Variants in FANCM observed in about 807,000 individuals in gnomAD.
FANCM encodes the protein Fanconi anemia group M protein.
In FANCM, 140 loss-of-function variants were observed where a neutral mutation model predicts 199.5. The observed-to-expected ratio is 0.70, with a 90% CI of 0.61 to 0.81. FANCM has a LOEUF of 0.81. FANCM is among the 30% of genes least tolerant of loss of function. The pLI, the probability that FANCM is intolerant of heterozygous loss-of-function variation, is 0.00. For missense variants in FANCM, 2,410 were observed against 2,421.4 expected (o/e 1.00, Z 0.10); for synonymous variants, 840 against 836.8 (o/e 1.00, Z -0.07).
chr14:45,191,600 A>G (rs560800767), intron 20 of FANCM, among the ~76,000 whole-genome samples: 3 of 152,364 alleles, frequency 2.0e-5, no homozygotes, highest in Admixed American at 6.5e-5. Context: ...TAGGATAGTG[A>G]TACTTTGAAG....
intron 3 of FANCM, among the ~76,000 whole-genome samples, 185 bp downstream of exon 3, chr14:45,140,894 G>A (rs1451266016): frequency 6.6e-6 from 1 of 152,048 alleles, no homozygotes. Context: ...TAAAAAAATA[G>A]TGAGCATGGT....
At chr14:45,147,658 C>A (rs1886503692) in intron 3 of FANCM, among the ~76,000 whole-genome samples, 1 of 152,032 alleles carries the variant, frequency 6.6e-6, no homozygotes, top group East Asian at 1.9e-4. Flanking sequence ...CTTTAGGAGG[C>A]CAAGGTGGGC....
At position 45,185,272 on chromosome 14, in the gene FANCM, A is replaced by G. The variant is rs1328029558; in HGVS notation, c.4571A>G (p.Glu1524Gly). The change falls in exon 18 of 23, where the codon GAA (glutamate) becomes GGA (glycine). Residue 1524 changes from glutamate to glycine, a missense_variant. By Grantham distance (98) the Glu-to-Gly change is moderately conservative. Transcript: ENST00000267430. ...GCAGAACTTTCTGAAGAAGATGCAG[A>G]ATATGTTTCATCAGATGAAAATGAT... is the stretch of plus-strand genomic sequence containing the variant. ...DEAELSEEDA[E>G]YVSSDENDES... The G allele has an allele frequency of 6.2e-7, 1 of 1,603,730 alleles. No homozygotes were observed. Among genetic ancestry groups the G allele is most frequent in the East Asian group, 2.2e-5 (1 of 44,694 alleles).
chr14:45,192,331 CTG>C (rs1291721574), intron 20 of FANCM, among the ~76,000 whole-genome samples: 6 of 152,196 alleles, frequency 3.9e-5, no homozygotes, highest in East Asian at 1.9e-4. Context: ...TCACTGGACA[CTG>C]TGAAATCTGG....
chr14:45,181,282 A>G (rs1889049688), intron 14 of FANCM, 148 bp from the exon 15 acceptor site: 1 of 563,796 alleles, frequency 1.8e-6, no homozygotes, highest in Admixed American at 3.2e-5. Context: ...TTTTGTTCAG[A>G]GTTCTCCAAG....
intron 1 of FANCM, 135 bp downstream of exon 1, chr14:45,136,674 G>T: frequency 1.2e-6 from 1 of 822,586 alleles, no homozygotes; most frequent in Non-Finnish European, 2.0e-6. Flanking sequence ...GCCCAAAACT[G>T]ATGAATAGGG....
intron 4 of FANCM, among the ~76,000 whole-genome samples, chr14:45,149,843 G>C (rs1449846128): frequency 6.6e-6 from 1 of 151,896 alleles, no homozygotes; most frequent in Non-Finnish European, 1.5e-5. Context: ...AGGAGAGAAG[G>C]GGGAGGTAAC....
intron 13 of FANCM, among the ~76,000 whole-genome samples, 162 bp downstream of exon 13, chr14:45,173,372 GA>G (rs781509827): frequency 1.1e-4 from 16 of 152,184 alleles, no homozygotes; most frequent in Non-Finnish European, 2.1e-4. Flanking sequence ...AGAAGAAATA[GA>G]TTTAATTAAT....
Position 45,200,161 on chromosome 14 carries a change from A to T in FANCM, c.*153A>T, listed in dbSNP as rs902773915. ...TTTTTATTTATAGATTATAGAAATT[A>T]TTAAAAAAGAAAAATCTGATGTTCA... is the stretch of plus-strand genomic sequence containing the variant. On this transcript the variant is annotated 3_prime_UTR_variant, in exon 23 of 23. Transcript: ENST00000267430. 4 of 257,026 alleles carry T rather than the reference A, an allele frequency of 1.6e-5. No homozygotes were observed. The highest frequency in any genetic ancestry group is 4.7e-5 in the African/African-American group (2 of 42,766). 15.9% of individuals were successfully genotyped at this position (257,026 alleles called of 1,614,324 possible).
chr14:45,196,036 A>G, intron 20 of FANCM, 136 bp from the exon 21 acceptor site: 3 of 895,254 alleles, frequency 3.4e-6, no homozygotes, highest in South Asian at 1.4e-5. Flanking sequence ...GTGTTCCTTC[A>G]TTTATTGTCA....
rs1360033335 is a variant in FANCM, at chr14:45,136,416, T to C, written c.385T>C (p.Tyr129His). The C allele has an allele frequency of 1.2e-6, 2 of 1,614,202 alleles. No individual in the cohort carries two copies. The highest frequency in any genetic ancestry group is 8.5e-7 in the Non-Finnish European group (1 of 1,180,034). Reference sequence around the variant, plus strand: ...TGCCGCCGTGGTCATGTACAATTTCTACCGCTGGTTCCCTTCAGGAAAGGT... The same window carrying C: ...TGCCGCCGTGGTCATGTACAATTTCCACCGCTGGTTCCCTTCAGGAAAGGT... ...FIAAVVMYNFYRWFPSGKVVF... is the reference protein window; with the variant it reads ...FIAAVVMYNFHRWFPSGKVVF... Residue 129 changes from tyrosine to histidine, a missense_variant, in exon 1 of 23, where the codon TAC becomes CAC. Coordinates refer to ENST00000267430, the MANE Select transcript of FANCM (RefSeq NM_020937.4).
In FANCM at chr14:45,196,515, G is replaced by A. The variant is rs551159029; in HGVS notation, c.5684G>A (p.Cys1895Tyr). Residue 1895 changes from cysteine to tyrosine, a missense_variant, in exon 21 of 23, where the codon TGT (cysteine) becomes TAT (tyrosine). Physicochemically the swap from Cys to Tyr is radical, Grantham distance 194. Coordinates refer to ENST00000267430, the MANE Select transcript of FANCM (RefSeq NM_020937.4). ...CTGCAGAGTATGTTTGAAAGAATAT[G>A]TGTGATTGTGGAAAAGGACAGAGAA... ...QHLQSMFERI[C>Y]VIVEKDREKT... 4.3e-6 allele frequency: 7 copies of A among 1,613,962 alleles called. No individual in the cohort carries two copies. In the South Asian group the frequency reaches 5.5e-5, roughly 13 times the overall value.
In FANCM at chr14:45,164,415, T is replaced by C. The variant is rs551259683; in HGVS notation, c.1638T>C (p.Gly546=). 4 of 1,613,512 alleles carry C rather than the reference T, an allele frequency of 2.5e-6. No homozygotes were observed. The highest frequency in any genetic ancestry group is 3.4e-6 in the Non-Finnish European group (4 of 1,179,964). The change falls in exon 10 of 23, where the codon GGT becomes GGC. Residue 546 remains glycine, a synonymous_variant. Transcript: ENST00000267430. ...GYNTLVSTCV[G]EEGLDIGEVD... Reference sequence around the variant, plus strand: ...ACACGCTGGTTTCTACCTGTGTGGGTGAAGAAGGTTTGGATATAGGAGAAG... The same window carrying C: ...ACACGCTGGTTTCTACCTGTGTGGGCGAAGAAGGTTTGGATATAGGAGAAG...
intron 20 of FANCM, among the ~76,000 whole-genome samples, chr14:45,194,717 C>T (rs2093994979): frequency 1.3e-5 from 2 of 151,720 alleles, no homozygotes; most frequent in African/African-American, 4.8e-5. Context: ...TAAATGTTGC[C>T]GGTGTAACTT....
At chr14:45,183,413 G>T (rs918423879) in intron 16 of FANCM, among the ~76,000 whole-genome samples, 1 of 151,984 alleles carries the variant, frequency 6.6e-6, no homozygotes, top group Non-Finnish European at 1.5e-5. Context: ...AAATTTATAG[G>T]CTTGTTCTTT....
chr14:45,185,122 T>C, intron 17 of FANCM, 95 bp from the exon 18 acceptor site: 1 of 871,242 alleles, frequency 1.1e-6, no homozygotes, highest in Admixed American at 2.2e-5. Flanking sequence ...CTTAAAAGCA[T>C]TGATAAGAAA....
At position 45,189,257 on chromosome 14, in the gene FANCM, C is replaced by T. The variant is rs1408885775; in HGVS notation, c.5235C>T (p.Val1745=). Residue 1745 remains valine (V), a synonymous_variant, in exon 20 of 23, where the codon GTC becomes GTT. Coordinates refer to ENST00000267430, the MANE Select transcript of FANCM (RefSeq NM_020937.4). Reference sequence around the variant, plus strand: ...ATTTAAAGGATACAATTTCCGAAGTCTCAGACTTCAAACCTCAGAATCATA... The same window carrying T: ...ATTTAAAGGATACAATTTCCGAAGTTTCAGACTTCAAACCTCAGAATCATA... ...SLNLKDTISE[V]SDFKPQNHNE... The T allele has an allele frequency of 6.2e-7, 1 of 1,613,888 alleles. No homozygotes were observed. The highest frequency in any genetic ancestry group is 1.3e-5 in the African/African-American group (1 of 74,916).
At chr14:45,172,484 C>T (rs1370664229) in intron 12 of FANCM, among the ~76,000 whole-genome samples, 1 of 152,116 alleles carries the variant, frequency 6.6e-6, no homozygotes, top group African/African-American at 2.4e-5. Context: ...CCAGTTATCC[C>T]AGTATCATTT....
In FANCM at chr14:45,142,347, C is replaced by T. The variant is rs1354347499; in HGVS notation, c.759+1638C>T. ...TTTGAGACGAAGTCTCGCACTGTTG[C>T]CCGGGCTGGAGTGCAATGGCATGAT... On this transcript the variant is annotated intron_variant, in intron 3 of 22. Transcript: ENST00000267430. 2.0e-5 allele frequency among the ~76,000 whole-genome samples: 3 copies of T among 149,868 alleles called. 1 individual carries two copies. The highest frequency in any genetic ancestry group is 6.9e-3 in the Middle Eastern group (2 of 290).
Sources: gnomAD v4.1 joint callset for allele counts (sites outside exome capture counted in the v4.1 genomes callset) on GRCh38, gnomAD v4.1.1 for gene constraint, MANE v1.5 for transcripts, NCBI Gene and HGNC (gene_info 2026-07-23, HGNC 2026-07-21) for gene names.